NCAM2: variants seen among roughly 807,000 people sequenced by gnomAD.
NCAM2 encodes N-CAM-2.
NCAM2 carries 30 observed loss-of-function variants against 98.1 expected under a neutral mutation model. The ratio of observed to expected loss-of-function variants is 0.31; its 90% CI spans 0.23 to 0.41. The LOEUF (loss-of-function observed/expected upper bound fraction) is 0.41, where lower values mean the gene tolerates loss of function less well. NCAM2 is among the 10% of genes least tolerant of loss of function. The probability of loss-of-function intolerance (pLI) is 1.00; values close to 1 mark genes in which losing one functional copy is unlikely to be tolerated. For synonymous variants in NCAM2, 368 were observed against 342.4 expected, an observed-to-expected ratio of 1.07 and a Z score of -0.83; for missense variants, 867 against 1,005.8, an observed-to-expected ratio of 0.86 and a Z score of 1.87.
intron 7 of NCAM2, among the ~76,000 whole-genome samples, chr21:21,336,405 G>A (rs1359966999): frequency 6.6e-6 from 1 of 151,704 alleles, no homozygotes; most frequent in African/African-American, 2.4e-5. Flanking sequence ...AGAAGGACTG[G>A]GGCCTGTTGT....
chr21:21,187,220 T>C (rs549151826), intron 1 of NCAM2, among the ~76,000 whole-genome samples: 164 of 152,204 alleles, frequency 1.1e-3, no homozygotes, highest in African/African-American at 3.8e-3. Flanking sequence ...CGAAACTCCG[T>C]CTAAAAACAA....
intron 1 of NCAM2, among the ~76,000 whole-genome samples, chr21:21,264,420 A>C (rs764143463): frequency 1.3e-5 from 2 of 151,972 alleles, no homozygotes; most frequent in African/African-American, 2.4e-5. Flanking sequence ...GTTCAACCCC[A>C]ATAGAAAACA....
intron 12 of NCAM2, among the ~76,000 whole-genome samples, chr21:21,444,008 T>C (rs1242462229): frequency 6.6e-6 from 1 of 152,172 alleles, no homozygotes; most frequent in East Asian, 1.9e-4. Flanking sequence ...TTTTGAGATG[T>C]GTTCCATCAA....
At chr21:21,284,134 A>G in intron 2 of NCAM2, 60 bp from the exon 3 acceptor site, 1 of 1,310,172 alleles carries the variant, frequency 7.6e-7, no homozygotes, top group Non-Finnish European at 1.1e-6. Flanking sequence ...AGTAAATGCC[A>G]ATGTTCAAAC....
At chr21:21,494,650 G>A (rs1313528535) in intron 15 of NCAM2, among the ~76,000 whole-genome samples, 1 of 151,492 alleles carries the variant, frequency 6.6e-6, no homozygotes. Flanking sequence ...CAACTGGATA[G>A]TTAAAGAACA....
chr21:21,161,777 G>A (rs2067794028), intron 1 of NCAM2, among the ~76,000 whole-genome samples: 1 of 151,958 alleles, frequency 6.6e-6, no homozygotes, highest in African/African-American at 2.4e-5. Flanking sequence ...AATTAGAAGA[G>A]CTAGGGAGCT....
At chr21:21,380,258 G>A (rs1022871734) in intron 9 of NCAM2, among the ~76,000 whole-genome samples, 4 of 152,108 alleles carry the variant, frequency 2.6e-5, no homozygotes, top group African/African-American at 9.7e-5. Flanking sequence ...TATTATAGCT[G>A]TTTGATCACA....
At chr21:21,133,195 T>G (rs2066971777) in intron 1 of NCAM2, among the ~76,000 whole-genome samples, 1 of 152,138 alleles carries the variant, frequency 6.6e-6, no homozygotes, top group Admixed American at 6.5e-5. Flanking sequence ...TAAGATACAA[T>G]GATAATACTA....
chr21:21,190,044 T>C (rs1017178461), intron 1 of NCAM2, among the ~76,000 whole-genome samples: 2 of 152,178 alleles, frequency 1.3e-5, no homozygotes, highest in African/African-American at 4.8e-5. Context: ...CTGCATTATA[T>C]CCAAGAGAAG....
At chr21:21,088,605 T>G (rs2065948255) in intron 1 of NCAM2, among the ~76,000 whole-genome samples, 1 of 152,172 alleles carries the variant, frequency 6.6e-6, no homozygotes, top group South Asian at 2.1e-4. Flanking sequence ...ATTTTGTGTT[T>G]ATGATTTCTT....
At chr21:21,323,228 A>T (rs187374839) in intron 5 of NCAM2, among the ~76,000 whole-genome samples, 74 of 152,312 alleles carry the variant, frequency 4.9e-4, no homozygotes, top group Non-Finnish European at 9.7e-4. Context: ...TTCAGAGTTA[A>T]TATCTGAAAA....
At chr21:21,367,488 G>A (rs1442438432) in intron 8 of NCAM2, among the ~76,000 whole-genome samples, 8 of 151,868 alleles carry the variant, frequency 5.3e-5, no homozygotes, top group East Asian at 3.9e-4. Context: ...TTATTTGCAC[G>A]TGGTTCATGG....
At chr21:21,050,350 C>T (rs1178047408) in intron 1 of NCAM2, among the ~76,000 whole-genome samples, 1 of 152,112 alleles carries the variant, frequency 6.6e-6, no homozygotes, top group African/African-American at 2.4e-5. Flanking sequence ...GGATTATGTA[C>T]CATTCATATG....
rs527535383 is a variant in NCAM2, at chr21:21,333,791, T to C, written c.738-1714T>C. Among the ~76,000 whole-genome samples, 7 of 152,156 alleles carry C rather than the reference T, an allele frequency of 4.6e-5. No homozygotes were observed. The South Asian group carries it at 1.5e-3, about 32-fold the overall frequency. On this transcript the variant is annotated intron_variant, in intron 6 of 17. Coordinates refer to ENST00000400546, the MANE Select transcript of NCAM2 (RefSeq NM_004540.5). ...ATTATTAGGAAACAAATGAATAATT[T>C]TCATTGAAGATATTGAGAAATATAT...
intron 1 of NCAM2, among the ~76,000 whole-genome samples, chr21:21,042,431 G>A (rs531016212): frequency 6.6e-6 from 1 of 152,042 alleles, no homozygotes; most frequent in South Asian, 2.1e-4. Flanking sequence ...TGATCCACCC[G>A]CCTCGGCCTC....
intron 8 of NCAM2, among the ~76,000 whole-genome samples, chr21:21,364,448 A>G (rs1602113489): frequency 6.6e-6 from 1 of 152,050 alleles, no homozygotes; most frequent in African/African-American, 2.4e-5. Flanking sequence ...AATAAAACAT[A>G]TATTTGCTAT....
Position 21,354,664 on chromosome 21 carries a change from G to A in NCAM2, c.1044+16130G>A, listed in dbSNP as rs368680996. Among the ~76,000 whole-genome samples the A allele has an allele frequency of 3.9e-5, 6 of 152,262 alleles. No homozygotes were observed. The East Asian group carries it at 7.7e-4, about 20-fold the overall frequency. ...ACAAAATTTAGCTATGAAATATTGAGTGGGACATGTTTAAAGATGTTGTAA... is the reference window on the plus strand; with the variant it reads ...ACAAAATTTAGCTATGAAATATTGAATGGGACATGTTTAAAGATGTTGTAA... On this transcript the variant is annotated intron_variant, in intron 8 of 17. Coordinates refer to ENST00000400546, the MANE Select transcript of NCAM2 (RefSeq NM_004540.5).
At chr21:21,224,245 A>C (rs994888818) in intron 1 of NCAM2, among the ~76,000 whole-genome samples, 1 of 152,156 alleles carries the variant, frequency 6.6e-6, no homozygotes, top group African/African-American at 2.4e-5. Flanking sequence ...AAATTTCTCC[A>C]AAAAAGAAAA....
intron 1 of NCAM2, among the ~76,000 whole-genome samples, chr21:21,278,309 G>A (rs1219975026): frequency 6.6e-6 from 1 of 151,920 alleles, no homozygotes; most frequent in African/African-American, 2.4e-5. Flanking sequence ...TCAGATTCAA[G>A]CTTCTTATAA....
Sources: gnomAD v4.1 joint callset for allele counts (sites outside exome capture counted in the v4.1 genomes callset) on GRCh38, gnomAD v4.1.1 for gene constraint, MANE v1.5 for transcripts, NCBI Gene and HGNC (gene_info 2026-07-23, HGNC 2026-07-21) for gene names.